The following PLCB1 variants were observed in gnomAD, a reference collection of about 807,000 sequenced individuals.
PLCB1 encodes phospholipase C beta 1.
In PLCB1, 46 loss-of-function variants were observed where a neutral mutation model predicts 161.8. The observed-to-expected ratio is 0.28, with a 90% CI of 0.22 to 0.36. The LOEUF (loss-of-function observed/expected upper bound fraction) is 0.36. PLCB1 is among the 10% of genes least tolerant of loss of function. The pLI is 1.00. For missense variants in PLCB1, 1,016 were observed against 1,472.5 expected, an observed-to-expected ratio of 0.69 and a Z score of 5.07; for synonymous variants, 517 against 503.7, an observed-to-expected ratio of 1.03 and a Z score of -0.35.
chr20:8,627,720 T>C (rs986046072), intron 3 of PLCB1, among the ~76,000 whole-genome samples: 14 of 152,214 alleles, frequency 9.2e-5, no homozygotes, highest in African/African-American at 3.1e-4. Context: ...ACTGCAGAAG[T>C]TCCCTATGTC....
intron 20 of PLCB1, among the ~76,000 whole-genome samples, chr20:8,738,457 TAGTG>T (rs1980696995): frequency 6.6e-6 from 1 of 152,164 alleles, no homozygotes; most frequent in South Asian, 2.1e-4. Context: ...CATTTTTTCT[TAGTG>T]GGTGCAGCGT....
chr20:8,810,892 C>T (rs748631617), intron 31 of PLCB1, among the ~76,000 whole-genome samples: 1 of 152,162 alleles, frequency 6.6e-6, no homozygotes, highest in Non-Finnish European at 1.5e-5. Context: ...CTTGAACCTG[C>T]GAGGTCAAGG....
rs1418699429 is a variant in PLCB1, at chr20:8,848,672, T to C, written c.3424-32950T>C. 3.3e-5 allele frequency among the ~76,000 whole-genome samples: 5 copies of C among 152,170 alleles called. No individual in the cohort carries two copies. In the East Asian group the frequency reaches 9.6e-4, roughly 29 times the overall value. Reference sequence around the variant, plus strand: ...CTTGTGTACTAAGCTACTCACCTCATGAGGAGTGTGTGGATGAAGGAGGGC... The same window carrying C: ...CTTGTGTACTAAGCTACTCACCTCACGAGGAGTGTGTGGATGAAGGAGGGC... On this transcript the variant is annotated intron_variant, in intron 31 of 31. Coordinates refer to ENST00000338037, the MANE Select transcript of PLCB1 (RefSeq NM_015192.4).
chr20:8,391,777 A>ATG (rs1405473637), intron 3 of PLCB1, among the ~76,000 whole-genome samples: 9 of 50,922 alleles, frequency 1.8e-4, no homozygotes, highest in South Asian at 1.8e-3. Context: ...ATATATATAT[A>ATG]TGTGTGTGTA....
intron 3 of PLCB1, among the ~76,000 whole-genome samples, chr20:8,596,956 T>C (rs1193939960): frequency 1.3e-5 from 2 of 152,280 alleles, no homozygotes; most frequent in Non-Finnish European, 2.9e-5. Flanking sequence ...TGATTTTGTA[T>C]CCTGAGACTT....
At chr20:8,582,001 A>C (rs1187660685) in intron 3 of PLCB1, among the ~76,000 whole-genome samples, 2 of 152,194 alleles carry the variant, frequency 1.3e-5, no homozygotes, top group Non-Finnish European at 2.9e-5. Context: ...AATAGGTTGC[A>C]GTTGGCCATG....
intron 8 of PLCB1, among the ~76,000 whole-genome samples, chr20:8,657,896 G>T (rs1989509329): frequency 6.6e-6 from 1 of 152,020 alleles, no homozygotes; most frequent in African/African-American, 2.4e-5. Flanking sequence ...ACAAAATAAG[G>T]ATTTCTTCAA....
intron 9 of PLCB1, among the ~76,000 whole-genome samples, chr20:8,677,754 A>G (rs777142734): frequency 1.3e-5 from 2 of 152,164 alleles, no homozygotes; most frequent in African/African-American, 2.4e-5. Flanking sequence ...AAAAAAATCC[A>G]ACCCAAAATA....
intron 2 of PLCB1, among the ~76,000 whole-genome samples, chr20:8,289,314 C>T (rs1983274804): frequency 6.6e-6 from 1 of 152,266 alleles, no homozygotes; most frequent in African/African-American, 2.4e-5. Flanking sequence ...CACAAGTCCC[C>T]TGTGGATCTT....
chr20:8,533,007 TC>T (rs1984880193), intron 3 of PLCB1, among the ~76,000 whole-genome samples: 1 of 129,800 alleles, frequency 7.7e-6, no homozygotes, highest in African/African-American at 2.8e-5. Flanking sequence ...ATGCTATCCC[TC>T]CCCCCTCCCC....
At chr20:8,601,024 C>G (rs1437048061) in intron 3 of PLCB1, among the ~76,000 whole-genome samples, 2 of 152,140 alleles carry the variant, frequency 1.3e-5, no homozygotes, top group African/African-American at 2.4e-5. Flanking sequence ...GAGATGAACC[C>G]GGTACCTCAG....
chr20:8,378,508 A>C (rs937216524), intron 3 of PLCB1, among the ~76,000 whole-genome samples: 7 of 152,232 alleles, frequency 4.6e-5, no homozygotes, highest in Non-Finnish European at 1.0e-4. Flanking sequence ...TAAATAAAAA[A>C]TATTTTATTG....
intron 3 of PLCB1, among the ~76,000 whole-genome samples, chr20:8,518,318 TCA>T: frequency 6.6e-6 from 1 of 152,346 alleles, no homozygotes; most frequent in Admixed American, 6.5e-5. Flanking sequence ...AGTTTGATTG[TCA>T]CCTTTTCTCT....
At chr20:8,254,301 C>G (rs1023646268) in intron 2 of PLCB1, among the ~76,000 whole-genome samples, 1 of 151,842 alleles carries the variant, frequency 6.6e-6, no homozygotes, top group African/African-American at 2.4e-5. Context: ...ACAACATTTG[C>G]AATTGTTAGG....
At chr20:8,799,968 T>C (rs1984208441) in intron 31 of PLCB1, among the ~76,000 whole-genome samples, 1 of 152,340 alleles carries the variant, frequency 6.6e-6, no homozygotes, top group Admixed American at 6.5e-5. Context: ...CATCCACTTA[T>C]GGTTCTTCTG....
chr20:8,740,541 C>A (rs1255015208), intron 22 of PLCB1, 93 bp downstream of exon 22: 2 of 585,640 alleles, frequency 3.4e-6, no homozygotes, highest in East Asian at 3.1e-5. Context: ...AAAACTGAAC[C>A]AAACAAAGCA....
intron 2 of PLCB1, among the ~76,000 whole-genome samples, chr20:8,361,135 G>A (rs564861511): frequency 1.3e-5 from 2 of 152,284 alleles, no homozygotes; most frequent in Non-Finnish European, 2.9e-5. Context: ...GAAATCAGCC[G>A]AGCATTTTTA....
intron 11 of PLCB1, among the ~76,000 whole-genome samples, chr20:8,702,049 C>G (rs1457313283): frequency 6.6e-6 from 1 of 152,158 alleles, no homozygotes; most frequent in Non-Finnish European, 1.5e-5. Flanking sequence ...TATGTGTGAC[C>G]TGGAAAGCTT....
chr20:8,856,187 A>G (rs1293846084), intron 31 of PLCB1, among the ~76,000 whole-genome samples: 2 of 152,114 alleles, frequency 1.3e-5, no homozygotes, highest in Non-Finnish European at 2.9e-5. Context: ...GTGCATATAT[A>G]TCATGCATAT....
Sources: allele counts gnomAD v4.1 joint callset (sites outside exome capture counted in the v4.1 genomes callset), GRCh38; gene constraint gnomAD v4.1.1; transcripts MANE v1.5; gene names NCBI Gene and HGNC (gene_info 2026-07-23, HGNC 2026-07-21).